Variants in NEGR1 observed in about 807,000 individuals in gnomAD.
NEGR1 encodes the protein neuronal growth regulator 1.
A neutral mutation model predicts 40.9 loss-of-function variants in NEGR1; 10 were observed. The observed-to-expected ratio is 0.24, with a 90% confidence interval of 0.15 to 0.42. The LOEUF (loss-of-function observed/expected upper bound fraction) is 0.42. Ranked by LOEUF, NEGR1 falls within the 10% of genes least tolerant of loss-of-function variation. The pLI is 1.00. For missense variants in NEGR1, 352 were observed against 438.9 expected (o/e 0.80, Z 1.77); for synonymous variants, 185 against 166.8 (o/e 1.11, Z -0.84).
intron 1 of NEGR1, among the ~76,000 whole-genome samples, chr1:72,070,198 T>A (rs1253807239): frequency 6.6e-6 from 1 of 152,086 alleles, no homozygotes; most frequent in Non-Finnish European, 1.5e-5. Context: ...ATCTTTTAAA[T>A]ATAATCTACA....
chr1:71,800,246 A>C (rs1211708388), intron 2 of NEGR1, among the ~76,000 whole-genome samples: 2 of 152,146 alleles, frequency 1.3e-5, no homozygotes, highest in Non-Finnish European at 2.9e-5. Context: ...TCTGGATATT[A>C]GCCCTTTGTC....
chr1:71,844,016 G>C (rs1188805538), intron 2 of NEGR1, among the ~76,000 whole-genome samples: 1 of 152,050 alleles, frequency 6.6e-6, no homozygotes, highest in African/African-American at 2.4e-5. Flanking sequence ...TGGAGAGGGA[G>C]GTAAAGAGAG....
Position 71,923,351 on chromosome 1 carries a change from C to T in NEGR1, c.409+11728G>A, listed in dbSNP as rs554286721. Among the ~76,000 whole-genome samples, 76 of 123,682 alleles carry T rather than the reference C, an allele frequency of 6.1e-4. No homozygotes were observed. In the East Asian group the frequency reaches 7.8e-3, roughly 13 times the overall value. 81.1% of individuals were successfully genotyped at this position (123,682 alleles called of 152,430 possible). Reference sequence around the variant, plus strand: ...GCCAGGGCACCTTACACTTGGACAGCGATACACACACACACACACTCTCTC... The same window carrying T: ...GCCAGGGCACCTTACACTTGGACAGTGATACACACACACACACACTCTCTC... On this transcript the variant is annotated intron_variant, in intron 2 of 6. Coordinates refer to ENST00000357731, the MANE Select transcript of NEGR1 (RefSeq NM_173808.3).
chr1:71,851,103 C>A (rs1659585137), intron 2 of NEGR1, among the ~76,000 whole-genome samples: 1 of 152,112 alleles, frequency 6.6e-6, no homozygotes, highest in African/African-American at 2.4e-5. Context: ...TAACAGATAG[C>A]TTTGGCTATC....
chr1:72,040,636 G>T (rs1458555770), intron 1 of NEGR1, among the ~76,000 whole-genome samples: 1 of 134,472 alleles, frequency 7.4e-6, no homozygotes, highest in Non-Finnish European at 1.6e-5. Context: ...CATCAACTGG[G>T]AACCTTACTG....
intron 6 of NEGR1, among the ~76,000 whole-genome samples, chr1:71,487,726 C>T (rs1646896150): frequency 6.8e-6 from 1 of 147,540 alleles, no homozygotes; most frequent in African/African-American, 2.4e-5. Context: ...GCATACAAAC[C>T]CTAGCATTCA....
At chr1:71,597,982 C>T (rs1649781420) in intron 5 of NEGR1, among the ~76,000 whole-genome samples, 2 of 152,056 alleles carry the variant, frequency 1.3e-5, no homozygotes. Context: ...AATCGACACA[C>T]AGAAAACTTT....
chr1:71,559,416 A>C (rs542022741), intron 6 of NEGR1, among the ~76,000 whole-genome samples: 259 of 151,628 alleles, frequency 1.7e-3, no homozygotes, highest in Middle Eastern at 3.4e-3. Flanking sequence ...TATGTGATTC[A>C]TTTGTTACAC....
chr1:71,674,091 T>A (rs939754538), intron 4 of NEGR1, among the ~76,000 whole-genome samples: 1 of 152,166 alleles, frequency 6.6e-6, no homozygotes, highest in East Asian at 1.9e-4. Flanking sequence ...TATTTATTTC[T>A]CAAAAGTCAT....
At chr1:72,148,933 G>C (rs1363236283) in intron 1 of NEGR1, among the ~76,000 whole-genome samples, 2 of 152,094 alleles carry the variant, frequency 1.3e-5, no homozygotes, top group Non-Finnish European at 2.9e-5. Context: ...CCTCCAAACT[G>C]TTCCAGCCTC....
intron 1 of NEGR1, among the ~76,000 whole-genome samples, chr1:72,217,812 A>C (rs1271509638): frequency 2.6e-5 from 4 of 151,836 alleles, no homozygotes. Context: ...AACTTGCAAA[A>C]AATAAGCACA....
intron 2 of NEGR1, among the ~76,000 whole-genome samples, chr1:71,875,411 A>T (rs1323092540): frequency 6.6e-6 from 1 of 152,152 alleles, no homozygotes; most frequent in Non-Finnish European, 1.5e-5. Flanking sequence ...TCTCTGTAAA[A>T]GCAGATATCT....
At chr1:71,787,380 C>T (rs567016555) in intron 2 of NEGR1, among the ~76,000 whole-genome samples, 1 of 152,178 alleles carries the variant, frequency 6.6e-6, no homozygotes, top group South Asian at 2.1e-4. Context: ...ACAAAAATAT[C>T]TAATGTTATG....
chr1:71,748,702 ATTT>A (rs1655467389), intron 3 of NEGR1, among the ~76,000 whole-genome samples: 1 of 152,138 alleles, frequency 6.6e-6, no homozygotes, highest in African/African-American at 2.4e-5. Context: ...ATTGGAAAAA[ATTT>A]ACCTAAGGAC....
At chr1:71,927,778 G>A (rs562197106) in intron 2 of NEGR1, among the ~76,000 whole-genome samples, 131 of 130,648 alleles carry the variant, frequency 1.0e-3, no homozygotes, top group Non-Finnish European at 1.1e-3. Context: ...GAGCCCAGGC[G>A]TTTGAGACCA....
intron 6 of NEGR1, among the ~76,000 whole-genome samples, chr1:71,520,169 G>T (rs777396148): frequency 6.6e-6 from 1 of 152,056 alleles, no homozygotes; most frequent in Non-Finnish European, 1.5e-5. Flanking sequence ...AGATTCTTCT[G>T]TAAATTGGGA....
At chr1:72,186,253 A>C (rs895914934) in intron 1 of NEGR1, among the ~76,000 whole-genome samples, 4 of 151,776 alleles carry the variant, frequency 2.6e-5, no homozygotes, top group Non-Finnish European at 5.9e-5. Flanking sequence ...AACTTCCAAC[A>C]TGATTTGTAA....
rs978314444 is a variant in NEGR1 at position 71,641,109 on chromosome 1, C to T, written c.668-29963G>A. ...ATGTTTCTGAGGACACTGCTCATTA[C>T]GACTGTATAATAAATGGAAGTGCAC... On this transcript the variant is annotated intron_variant, in intron 4 of 6. Coordinates refer to ENST00000357731, the MANE Select transcript of NEGR1 (RefSeq NM_173808.3). Among the ~76,000 whole-genome samples the T allele has an allele frequency of 2.6e-5, 4 of 152,174 alleles. No individual in the cohort carries two copies. In the South Asian group the frequency reaches 6.2e-4, roughly 24 times the overall value.
At chr1:71,603,619 G>C (rs1014898175) in intron 5 of NEGR1, among the ~76,000 whole-genome samples, 1 of 152,098 alleles carries the variant, frequency 6.6e-6, no homozygotes, top group African/African-American at 2.4e-5. Flanking sequence ...AATTAATCTT[G>C]AAAATTCCTT....
Sources: gnomAD v4.1 joint callset for allele counts (sites outside exome capture counted in the v4.1 genomes callset) on GRCh38, gnomAD v4.1.1 for gene constraint, MANE v1.5 for transcripts, NCBI Gene and HGNC (gene_info 2026-07-23, HGNC 2026-07-21) for gene names.